The following ANK3 variants were observed in gnomAD, a reference collection of about 807,000 sequenced individuals.
ANK3 encodes ankyrin 3, also known as ankyrin-3.
In ANK3, 57 loss-of-function variants were observed where a neutral mutation model predicts 370.9. The ratio of observed to expected loss-of-function variants is 0.15; its 90% CI spans 0.12 to 0.19. The LOEUF (loss-of-function observed/expected upper bound fraction) is 0.19, where lower values mean the gene tolerates loss of function less well. ANK3 is among the 10% of genes least tolerant of loss of function. ANK3 has a pLI of 1.00. For synonymous variants in ANK3, 1,929 were observed against 1,946.3 expected (o/e 0.99, Z 0.23); for missense variants, 4,439 against 5,302.1 (o/e 0.84, Z 5.06).
Position 60,549,140 on chromosome 10 carries a change from T to TACACACACAC in ANK3, c.96+66036_96+66045dup, listed in dbSNP as rs3047236. 1.7e-3 allele frequency among the ~76,000 whole-genome samples: 249 copies of TACACACACAC among 145,640 alleles called. 1 individual carries two copies. The highest frequency in any genetic ancestry group is 6.1e-3 in the African/African-American group (239 of 39,250). ...ATGAGTGAGAGAAGGGCATGTTTCA[T>TACACACACAC]ACACACACACACACACACACACACA... On this transcript the variant is annotated intron_variant, in intron 2 of 43. Transcript: ENST00000373827.
intron 1 of ANK3, among the ~76,000 whole-genome samples, chr10:60,657,914 C>T (rs1386247162): frequency 2.0e-5 from 3 of 151,722 alleles, no homozygotes; most frequent in Admixed American, 2.0e-4. Context: ...GGTACATATA[C>T]ATTTATAAAT....
chr10:60,555,848 T>A (rs1191395679), intron 2 of ANK3, among the ~76,000 whole-genome samples: 4 of 152,234 alleles, frequency 2.6e-5, no homozygotes, highest in Admixed American at 2.6e-4. Context: ...GTAAAGCTCA[T>A]GTGACTCATG....
chr10:60,557,941 T>A (rs561174145), intron 2 of ANK3, among the ~76,000 whole-genome samples: 8 of 152,198 alleles, frequency 5.3e-5, no homozygotes, highest in Non-Finnish European at 1.0e-4. Flanking sequence ...TTTCTTTGCA[T>A]CTCAATGATA....
intron 1 of ANK3, among the ~76,000 whole-genome samples, chr10:60,326,148 A>G (rs12780890): frequency 0.52 from 78,395 of 151,676 alleles, 20,685 homozygotes; most frequent in South Asian, 0.6. Context: ...GTGGGAGGAG[A>G]GAGAGGATCT....
chr10:60,148,220 C>A (rs1266610985), intron 23 of ANK3, among the ~76,000 whole-genome samples: 1 of 152,044 alleles, frequency 6.6e-6, no homozygotes, highest in Non-Finnish European at 1.5e-5. Flanking sequence ...AACAAATGAC[C>A]CTGCTTAAGC....
chr10:60,348,365 A>C (rs199879920), intron 1 of ANK3, among the ~76,000 whole-genome samples: 13,526 of 92,826 alleles, frequency 0.15, 1,223 homozygotes, highest in East Asian at 0.41. Flanking sequence ...AAAAAAAAAA[A>C]AAAAACACAA....
intron 2 of ANK3, among the ~76,000 whole-genome samples, chr10:60,528,138 T>TTC (rs1555387268): frequency 5.5e-5 from 6 of 109,086 alleles, no homozygotes; most frequent in African/African-American, 1.6e-4. Flanking sequence ...CTTCTTCTTC[T>TTC]TTTTTTTTTT....
intron 12 of ANK3, among the ~76,000 whole-genome samples, chr10:60,202,133 T>A (rs905114589): frequency 1.3e-5 from 2 of 152,150 alleles, no homozygotes; most frequent in African/African-American, 4.8e-5. Context: ...ATTTATTATT[T>A]TTTTTGAGAT....
intron 2 of ANK3, among the ~76,000 whole-genome samples, chr10:60,463,600 T>G (rs567396248): frequency 7.9e-5 from 12 of 152,082 alleles, no homozygotes; most frequent in Non-Finnish European, 1.5e-4. Context: ...ATCTATCAGG[T>G]TAGTGGCCCT....
intron 2 of ANK3, among the ~76,000 whole-genome samples, chr10:60,532,730 A>G (rs979318617): frequency 6.6e-6 from 1 of 152,102 alleles, no homozygotes; most frequent in South Asian, 2.1e-4. Context: ...TTTCAACCAG[A>G]ATGCTATAGG....
intron 2 of ANK3, among the ~76,000 whole-genome samples, chr10:60,421,548 G>A (rs945603909): frequency 6.6e-6 from 1 of 151,844 alleles, no homozygotes; most frequent in African/African-American, 2.4e-5. Flanking sequence ...GGACAATGAG[G>A]GGAGGGAGCG....
At chr10:60,565,494 C>G in intron 2 of ANK3, among the ~76,000 whole-genome samples, 1 of 152,202 alleles carries the variant, frequency 6.6e-6, no homozygotes, top group East Asian at 1.9e-4. Context: ...GACCTTAATA[C>G]TTCCCTGCTC....
At position 60,520,775 on chromosome 10, in the gene ANK3, C is replaced by T. The variant is rs2076329492; in HGVS notation, c.96+94411G>A. 2.0e-5 allele frequency among the ~76,000 whole-genome samples: 3 copies of T among 152,056 alleles called. No individual in the cohort carries two copies. The South Asian group carries it at 6.2e-4, about 32-fold the overall frequency. ...TGATTGGCAAACAGAAATTATTTGTCCTTCTAAAAACTGTTTGACATGATT... is the reference window on the plus strand; with the variant it reads ...TGATTGGCAAACAGAAATTATTTGTTCTTCTAAAAACTGTTTGACATGATT... On this transcript the variant is annotated intron_variant, in intron 2 of 43. Transcript: ENST00000373827.
chr10:60,102,476 C>T (rs1565017728), intron 28 of ANK3, among the ~76,000 whole-genome samples: 2 of 152,084 alleles, frequency 1.3e-5, no homozygotes, highest in East Asian at 3.8e-4. Flanking sequence ...TACGGTCACA[C>T]AACGAGTAAG....
intron 2 of ANK3, among the ~76,000 whole-genome samples, chr10:60,487,983 A>T (rs2075393995): frequency 6.6e-6 from 1 of 151,958 alleles, no homozygotes; most frequent in South Asian, 2.1e-4. Context: ...CAAAGTATGG[A>T]TTATACTTTT....
At chr10:60,110,104 T>A (rs1179363745) in intron 26 of ANK3, among the ~76,000 whole-genome samples, 1 of 152,170 alleles carries the variant, frequency 6.6e-6, no homozygotes, top group East Asian at 1.9e-4. Flanking sequence ...ATTCTTAAAG[T>A]GTTTTTAGAA....
At chr10:60,702,757 T>G (rs1202134305) in intron 1 of ANK3, among the ~76,000 whole-genome samples, 1 of 152,206 alleles carries the variant, frequency 6.6e-6, no homozygotes, top group African/African-American at 2.4e-5. Flanking sequence ...CATCATTTTG[T>G]AGTTCCAAAA....
chr10:60,605,482 A>C (rs926414408), intron 2 of ANK3, among the ~76,000 whole-genome samples: 2 of 152,132 alleles, frequency 1.3e-5, no homozygotes, highest in African/African-American at 4.8e-5. Flanking sequence ...AAATAGAGAC[A>C]CACACAGAAG....
chr10:60,596,100 A>T (rs997228023), intron 2 of ANK3, among the ~76,000 whole-genome samples: 3 of 152,170 alleles, frequency 2.0e-5, no homozygotes, highest in Non-Finnish European at 2.9e-5. Flanking sequence ...GAGGAAAAGA[A>T]GAGAAATTTG....
Sources: gnomAD v4.1 joint callset for allele counts (sites outside exome capture counted in the v4.1 genomes callset) on GRCh38, gnomAD v4.1.1 for gene constraint, MANE v1.5 for transcripts, NCBI Gene and HGNC (gene_info 2026-07-23, HGNC 2026-07-21) for gene names.